The following POGLUT1 variants were observed in gnomAD, a reference collection of about 807,000 sequenced individuals.
The protein encoded by POGLUT1 is 9630046K23Rik.
Under a neutral mutation model 61.3 loss-of-function variants are expected in POGLUT1, and 32 were observed. The ratio of observed to expected loss-of-function variants is 0.52; its 90% CI spans 0.39 to 0.70. The LOEUF is 0.70. POGLUT1 is among the 30% of genes least tolerant of loss of function. POGLUT1 has a pLI of 0.00. For missense variants in POGLUT1, 411 were observed against 469.8 expected, an observed-to-expected ratio of 0.87 and a Z score of 1.16; for synonymous variants, 158 against 158.2, an observed-to-expected ratio of 1.00 and a Z score of 0.01.
intron 5 of POGLUT1, among the ~76,000 whole-genome samples, chr3:119,483,082 T>G (rs984861150): frequency 6.6e-6 from 1 of 152,240 alleles, no homozygotes; most frequent in Non-Finnish European, 1.5e-5. Flanking sequence ...TGAGTATAAA[T>G]TGATACATGT....
chr3:119,480,201 T>C (rs751766599), intron 5 of POGLUT1, 29 bp downstream of exon 5: 5 of 1,513,116 alleles, frequency 3.3e-6, no homozygotes, highest in Non-Finnish European at 4.4e-6. Flanking sequence ...TTTTATTTTT[T>C]CTCTTTCTGG....
chr3:119,473,339 AAAT>A (rs1429532812), intron 3 of POGLUT1, among the ~76,000 whole-genome samples: 1 of 26,326 alleles, frequency 3.8e-5, no homozygotes, highest in East Asian at 2.6e-3. Context: ...AACAATTGCC[AAAT>A]GAAATGAAAT....
chr3:119,478,449 TCAGAAGAA>T (rs1163172860), intron 4 of POGLUT1: 2 of 456,574 alleles, frequency 4.4e-6, no homozygotes, highest in Non-Finnish European at 8.8e-6. Context: ...TGAAACTCAC[TCAGAAGAA>T]CAGATAGAGG....
intron 4 of POGLUT1, among the ~76,000 whole-genome samples, chr3:119,478,888 C>CA (rs367802266): frequency 0.054 from 4,671 of 85,952 alleles, 113 homozygotes; most frequent in Middle Eastern, 0.088. Context: ...GCAGGTGGAT[C>CA]AAAAAAAAAA....
intron 5 of POGLUT1, among the ~76,000 whole-genome samples, chr3:119,483,429 T>C (rs2081629420): frequency 6.6e-6 from 1 of 152,226 alleles, no homozygotes; most frequent in Non-Finnish European, 1.5e-5. Context: ...CTGGCTCTTA[T>C]TAGCTGCATG....
chr3:119,472,102 G>A (rs1327183633), intron 3 of POGLUT1, among the ~76,000 whole-genome samples: 2 of 152,200 alleles, frequency 1.3e-5, no homozygotes, highest in Non-Finnish European at 2.9e-5. Context: ...TCAGTGGGCT[G>A]AAGGCAGGGT....
chr3:119,482,575 T>C (rs995388218), intron 5 of POGLUT1, among the ~76,000 whole-genome samples: 10 of 152,240 alleles, frequency 6.6e-5, no homozygotes, highest in African/African-American at 2.4e-4. Context: ...CTTATATGAA[T>C]ACTTTTTTCT....
intron 3 of POGLUT1, among the ~76,000 whole-genome samples, chr3:119,473,655 A>G (rs1232478570): frequency 1.3e-5 from 2 of 151,180 alleles, no homozygotes; most frequent in Non-Finnish European, 2.9e-5. Context: ...TTCTACGTCT[A>G]GATACTTTTT....
At chr3:119,471,721 G>C (rs536169538) in intron 3 of POGLUT1, 1 of 416,920 alleles carries the variant, frequency 2.4e-6, no homozygotes, top group Non-Finnish European at 4.4e-6. Flanking sequence ...ATATAGTAGC[G>C]GCAGGACACA....
chr3:119,488,594 A>G (rs1044699089), intron 7 of POGLUT1: 1 of 177,332 alleles, frequency 5.6e-6, no homozygotes, highest in Admixed American at 6.0e-5. Flanking sequence ...CCTTCTCTGC[A>G]TACATTATTT....
chr3:119,487,114 T>C (rs148814103), intron 7 of POGLUT1, 182 bp downstream of exon 7: 2 of 598,206 alleles, frequency 3.3e-6, no homozygotes, highest in African/African-American at 3.7e-5. Context: ...ATTGCTTTTC[T>C]GGCCATATTA....
chr3:119,472,593 G>A (rs1201895368), intron 3 of POGLUT1, among the ~76,000 whole-genome samples: 3 of 152,140 alleles, frequency 2.0e-5, no homozygotes, highest in African/African-American at 7.2e-5. Flanking sequence ...GCGCATGCCT[G>A]TAATCCCAGC....
At chr3:119,469,687 C>G in intron 1 of POGLUT1, 133 bp from the exon 2 acceptor site, 4 of 615,786 alleles carry the variant, frequency 6.5e-6, no homozygotes, top group Non-Finnish European at 1.2e-5. Context: ...TCCTCCCTAG[C>G]GTTTCGTTTC....
intron 5 of POGLUT1, among the ~76,000 whole-genome samples, chr3:119,480,864 G>A (rs544789527): frequency 8.6e-4 from 130 of 150,734 alleles, no homozygotes; most frequent in African/African-American, 3.0e-3. Flanking sequence ...TCAGCCTCCC[G>A]AGTAGCTGGG....
rs58233822 is a variant in POGLUT1, at chr3:119,493,803, A to ATTTTTTTTTTTTTTTTTT, written c.*1369_*1386dup. 1 of 119,910 alleles carries ATTTTTTTTTTTTTTTTTT rather than the reference A, an allele frequency of 8.3e-6. No homozygotes were observed. The allele number at this position is 119,910 out of a possible 1,614,324, so 7.4% of individuals were successfully genotyped here. On this transcript the variant is annotated 3_prime_UTR_variant, in exon 11 of 11. Coordinates refer to ENST00000295588, the MANE Select transcript of POGLUT1 (RefSeq NM_152305.3). ...GGAATAAGCAGATGTTTAAAGTTGG[A>ATTTTTTTTTTTTTTTTTT]TTTTTTTTTTTTTTTTTTTTTGAGT...
intron 7 of POGLUT1, 116 bp downstream of exon 7, chr3:119,487,048 G>A (rs2107715275): frequency 1.4e-6 from 1 of 736,190 alleles, no homozygotes; most frequent in East Asian, 2.5e-5. Flanking sequence ...TGAATGTAAA[G>A]AAAGTTCCAT....
rs140695299 is a variant in POGLUT1 at position 119,477,386 on chromosome 3, C to A, written c.394C>A (p.Arg132=). The A allele has an allele frequency of 6.2e-7, 1 of 1,613,958 alleles. No homozygotes were observed. The highest frequency in any genetic ancestry group is 1.7e-5 in the Admixed American group (1 of 60,016). Residue 132 remains arginine, a synonymous_variant, in exon 4 of 11, where the codon CGA becomes AGA. Coordinates refer to ENST00000295588, the MANE Select transcript of POGLUT1 (RefSeq NM_152305.3). The stretch of plus-strand genomic sequence containing the variant: ...TGACATGGAGATGGTGATCAATGTA[C>A]GAGATTATCCTCAGGTTCCTAAATG... ...LPDMEMVINV[R]DYPQVPKWME... is the part of the protein sequence containing the mutation.
intron 10 of POGLUT1, among the ~76,000 whole-genome samples, chr3:119,491,964 G>A (rs1273474967): frequency 6.6e-6 from 1 of 152,162 alleles, no homozygotes; most frequent in Non-Finnish European, 1.5e-5. Context: ...TGAGGCAGGA[G>A]AATCACTTGA....
intron 5 of POGLUT1, 24 bp downstream of exon 5, chr3:119,480,196 T>G: frequency 5.9e-6 from 9 of 1,520,212 alleles, no homozygotes; most frequent in Non-Finnish European, 8.0e-6. Context: ...AGAGGTTTTA[T>G]TTTTTCTCTT....
Sources: allele counts gnomAD v4.1 joint callset (sites outside exome capture counted in the v4.1 genomes callset), GRCh38; gene constraint gnomAD v4.1.1; transcripts MANE v1.5; gene names NCBI Gene and HGNC (gene_info 2026-07-23, HGNC 2026-07-21).